Variants in GAB3 observed in about 807,000 individuals in gnomAD.
GAB3 encodes GRB2 associated binding protein 3.
In GAB3, 12 loss-of-function variants were observed where a neutral mutation model predicts 40.4. That is an observed-to-expected ratio of 0.30 (90% CI 0.19 to 0.48). The LOEUF (loss-of-function observed/expected upper bound fraction) is 0.48. Among genes scored for constraint, GAB3 ranks in the 20% least tolerant of loss-of-function variants. GAB3 has a pLI of 0.99. For missense variants in GAB3, 381 were observed against 461.9 expected (o/e 0.82, Z 1.61); for synonymous variants, 154 against 176.7 (o/e 0.87, Z 1.02).
chrX:154,697,179 C>T lies in GAB3; in HGVS notation c.1380G>A (p.Ser460=), dbSNP rs782178568. 12 of 1,193,879 alleles carry T rather than the reference C, an allele frequency of 1.0e-5. No individual in the cohort carries two copies. Among genetic ancestry groups the T allele is most frequent in the South Asian group, 1.9e-5 (1 of 53,429 alleles). ...TAAGAGATGCATGTTCCCGGATGAT[C>T]GAGAGGTTTCTCAGGTCCAGAGGAG... ...RPPPLDLRNL[S]IIREHASLTR... is the part of the protein sequence containing the mutation. The change falls in exon 7 of 10, where the codon TCG becomes TCA. Residue 460 remains serine (S), a synonymous_variant. Coordinates refer to ENST00000424127, the MANE Select transcript of GAB3 (RefSeq NM_001081573.3).
intron 1 of GAB3, among the ~76,000 whole-genome samples, chrX:154,718,395 C>T (rs2071078748): frequency 9.0e-6 from 1 of 110,500 alleles, no homozygotes; most frequent in South Asian, 3.9e-4. Flanking sequence ...GAAAAGAGGT[C>T]TGGCCATGAG....
rs782122749 is a variant in GAB3 at position 154,732,319 on chromosome X, A to AAG, written c.73-15991_73-15990insCT. Among the ~76,000 whole-genome samples the AAG allele has an allele frequency of 4.2e-3, 465 of 111,975 alleles. 1 individual carries two copies. Among genetic ancestry groups the AAG allele is most frequent in the Non-Finnish European group, 6.8e-3 (362 of 53,172 alleles). On this transcript the variant is annotated intron_variant, in intron 1 of 9. Transcript: ENST00000424127. Reference sequence around the variant, plus strand: ...AAATACATGAATTTGGAAAGCATTCAGAAAACCTTGTATCTGGTGTTATCG... The same window carrying AAG: ...AAATACATGAATTTGGAAAGCATTCAAGGAAAACCTTGTATCTGGTGTTATCG...
At chrX:154,689,694 G>T (rs1226566045) in intron 8 of GAB3, among the ~76,000 whole-genome samples, 1 of 110,935 alleles carries the variant, frequency 9.0e-6, no homozygotes, top group African/African-American at 3.3e-5. Flanking sequence ...AAATACCTAG[G>T]AATCCAACTT....
At chrX:154,711,080 G>C (rs1225965685) in intron 4 of GAB3, among the ~76,000 whole-genome samples, 1 of 111,929 alleles carries the variant, frequency 8.9e-6, no homozygotes, top group Non-Finnish European at 1.9e-5. Flanking sequence ...AGGGACATTA[G>C]GGAAGGTTTT....
intron 1 of GAB3, among the ~76,000 whole-genome samples, chrX:154,742,995 T>C (rs1003603952): frequency 9.5e-5 from 10 of 104,753 alleles, no homozygotes; most frequent in Non-Finnish European, 1.4e-4. Context: ...CATATATATA[T>C]ATATATATAT....
chrX:154,732,299 C>T (rs782701662), intron 1 of GAB3, among the ~76,000 whole-genome samples: 2 of 111,504 alleles, frequency 1.8e-5, no homozygotes, highest in South Asian at 7.5e-4. Context: ...TCCTAAAATA[C>T]ATGAATTTGG....
At chrX:154,734,162 GAAATAGGAACC>G (rs1325124940) in intron 1 of GAB3, among the ~76,000 whole-genome samples, 1 of 112,680 alleles carries the variant, frequency 8.9e-6, no homozygotes, top group Non-Finnish European at 1.9e-5. Context: ...GGCTTCTTGT[GAAATAGGAACC>G]AAATACTGCC....
At chrX:154,749,246 T>C (rs1203154157) in intron 1 of GAB3, among the ~76,000 whole-genome samples, 1 of 112,454 alleles carries the variant, frequency 8.9e-6, no homozygotes, top group African/African-American at 3.2e-5. Flanking sequence ...GTTGATGAAA[T>C]ACTAATAAAC....
intron 1 of GAB3, among the ~76,000 whole-genome samples, chrX:154,730,807 C>G (rs1236655832): frequency 1.8e-5 from 2 of 111,825 alleles, no homozygotes; most frequent in African/African-American, 6.5e-5. Context: ...ACCTTTCAGC[C>G]TGATGGCCTG....
Position 154,678,256 on chromosome X carries a change from G to T in GAB3, c.1686C>A (p.Val562=), listed in dbSNP as rs782626349. The T allele has an allele frequency of 1.7e-5, 20 of 1,195,913 alleles. No homozygotes were observed. The South Asian group carries it at 3.6e-4, about 21-fold the overall frequency. The change falls in exon 10 of 10, where the codon GTC becomes GTA. Residue 562 remains valine, a synonymous_variant. Transcript: ENST00000424127. Reference sequence around the variant, plus strand: ...CCTGTGTCTTCTGCTCATCCACTTGGACATAGTCTACTCTTTGTTCTTCTG... The same window carrying T: ...CCTGTGTCTTCTGCTCATCCACTTGTACATAGTCTACTCTTTGTTCTTCTG... ...LLSEEQRVDY[V]QVDEQKTQAL...
At chrX:154,703,813 C>T (rs1557252927) in intron 4 of GAB3, among the ~76,000 whole-genome samples, 1 of 111,482 alleles carries the variant, frequency 9.0e-6, no homozygotes, top group East Asian at 2.8e-4. Context: ...ATTAGTACAA[C>T]CACTATGGAG....
Position 154,734,891 on chromosome X carries a change from C to A in GAB3, c.72+16063G>T, listed in dbSNP as rs781790895. Reference sequence around the variant, plus strand: ...ATGCGATCTGGAAGCCTTCTCCACTCCAAGATTATCAAAATATTTTCCTAT... The same window carrying A: ...ATGCGATCTGGAAGCCTTCTCCACTACAAGATTATCAAAATATTTTCCTAT... On this transcript the variant is annotated intron_variant, in intron 1 of 9. Transcript: ENST00000424127. Among the ~76,000 whole-genome samples, 3 of 112,125 alleles carry A rather than the reference C, an allele frequency of 2.7e-5. No homozygotes were observed. The East Asian group carries it at 8.4e-4, about 31-fold the overall frequency.
chrX:154,688,370 C>T (rs1557248397), intron 8 of GAB3, among the ~76,000 whole-genome samples: 1 of 108,733 alleles, frequency 9.2e-6, no homozygotes. Context: ...ACCTCTGCCT[C>T]CCGGGTTCAA....
intron 6 of GAB3, among the ~76,000 whole-genome samples, chrX:154,698,834 C>A (rs782701561): frequency 1.3e-4 from 15 of 111,945 alleles, no homozygotes; most frequent in African/African-American, 3.9e-4. Flanking sequence ...ATGCACAGAA[C>A]GATGAGTGAT....
chrX:154,732,717 C>T (rs782548522), intron 1 of GAB3, among the ~76,000 whole-genome samples: 1 of 111,311 alleles, frequency 9.0e-6, no homozygotes, highest in East Asian at 2.8e-4. Flanking sequence ...GGTCCCAGCA[C>T]CCCAGGGTCA....
Position 154,699,383 on chromosome X carries a change from T to A in GAB3, c.1256A>T (p.Asn419Ile). ...CAACGGGCTTGAGATGCTTCCTGAG[T>A]TCATTGGAATGTAGTCATCAGGGCT... ...HCSPDDYIPM[N>I]SGSISSPLPE... Residue 419 changes from asparagine to isoleucine, a missense_variant, in exon 6 of 10, where the codon AAC becomes ATC. Asn to Ile is a moderately radical substitution (Grantham distance 149). This residue lies in a region of GAB3 where 364 missense variants were observed against 421.0 expected (regional missense o/e 0.86). Coordinates refer to ENST00000424127, the MANE Select transcript of GAB3 (RefSeq NM_001081573.3). The A allele has an allele frequency of 8.3e-7, 1 of 1,211,084 alleles. No homozygotes were observed. The highest frequency in any genetic ancestry group is 1.8e-5 in the South Asian group (1 of 56,971).
chrX:154,698,368 C>A (rs1557251303), intron 6 of GAB3, among the ~76,000 whole-genome samples: 1 of 112,059 alleles, frequency 8.9e-6, no homozygotes, highest in Non-Finnish European at 1.9e-5. Context: ...CCACCCAGTG[C>A]CCACCACAGC....
intron 1 of GAB3, among the ~76,000 whole-genome samples, chrX:154,743,646 A>G (rs1331433022): frequency 9.0e-6 from 1 of 111,106 alleles, no homozygotes; most frequent in Non-Finnish European, 1.9e-5. Flanking sequence ...TTATAATGAT[A>G]TAATATTATT....
At chrX:154,744,312 T>A (rs782292033) in intron 1 of GAB3, among the ~76,000 whole-genome samples, 62 of 103,630 alleles carry the variant, frequency 6.0e-4, no homozygotes, top group Middle Eastern at 5.0e-3. Context: ...CACAGAGAGG[T>A]TAGAAGTAAA....
Sources: gnomAD v4.1 joint callset for allele counts (sites outside exome capture counted in the v4.1 genomes callset) on GRCh38, gnomAD v4.1.1 for gene constraint, gnomAD v4.1.1 regional missense constraint, MANE v1.5 for transcripts, NCBI Gene and HGNC (gene_info 2026-07-23, HGNC 2026-07-21) for gene names.